The following RERE variants were observed in gnomAD, a reference collection of about 807,000 sequenced individuals.
RERE encodes the protein arginine-glutamic acid dipeptide repeats protein.
Under a neutral mutation model 146.1 loss-of-function variants are expected in RERE, and 40 were observed. The observed-to-expected ratio is 0.27, with a 90% CI of 0.21 to 0.36. The LOEUF is 0.36. Ranked by LOEUF, RERE falls within the 10% of genes least tolerant of loss-of-function variation. The pLI, the probability that RERE is intolerant of heterozygous loss-of-function variation, is 1.00. For synonymous variants in RERE, 1,003 were observed against 866.0 expected (o/e 1.16, Z -2.78); for missense variants, 1,933 against 2,138.7 (o/e 0.90, Z 1.90).
chr1:8,355,940 G>A (rs1641272394), intron 21 of RERE, among the ~76,000 whole-genome samples, 160 bp downstream of exon 21: 1 of 152,260 alleles, frequency 6.6e-6, no homozygotes, highest in East Asian at 1.9e-4. Context: ...CCCCCAGAGG[G>A]CAGGAGGCTT....
chr1:8,385,993 AATATATATATAT>A (rs1553159745), intron 12 of RERE, among the ~76,000 whole-genome samples: 5 of 26,482 alleles, frequency 1.9e-4, no homozygotes, highest in Admixed American at 7.2e-4. Context: ...AAAAAAAAAA[AATATATATATAT>A]ATATATATAT....
intron 1 of RERE, among the ~76,000 whole-genome samples, chr1:8,668,455 G>A (rs1638628022): frequency 6.6e-6 from 1 of 152,178 alleles, no homozygotes; most frequent in South Asian, 2.1e-4. Context: ...GGCAAGGGAA[G>A]CCAAATGCCG....
intron 1 of RERE, among the ~76,000 whole-genome samples, chr1:8,689,327 A>C (rs1314344427): frequency 6.6e-6 from 1 of 152,184 alleles, no homozygotes; most frequent in Non-Finnish European, 1.5e-5. Context: ...TTTGATGAAG[A>C]CATACTCAAA....
Position 8,448,844 on chromosome 1 carries a change from CAAACAAACAAAT to C in RERE, c.1203+17069_1203+17080del, listed in dbSNP as rs942823168. On this transcript the variant is annotated intron_variant, in intron 11 of 22. Coordinates refer to ENST00000400908, the MANE Select transcript of RERE (RefSeq NM_001042681.2). Reference sequence around the variant, plus strand: ...ACTCCATCTCAAACAATCAATCAAACAAACAAACAAATAAACAAACAAAAAAAAAAAAGGAAG... The same window carrying C: ...ACTCCATCTCAAACAATCAATCAAACAAACAAACAAAAAAAAAAAAGGAAG... Among the ~76,000 whole-genome samples the C allele has an allele frequency of 4.0e-5, 6 of 150,540 alleles. No individual in the cohort carries two copies. The East Asian group carries it at 5.9e-4, about 15-fold the overall frequency.
In RERE at chr1:8,354,968, TATA is replaced by T; in HGVS notation, c.*116_*118del. ...ATTTTTAGTTGTGGGTTTTTAAATA[TATA>T]AAGAAATCTTTAGAAGATATTCTTT... On this transcript the variant is annotated 3_prime_UTR_variant, in exon 23 of 23. Transcript: ENST00000400908. The T allele has an allele frequency of 1.2e-6, 1 of 805,172 alleles. No individual in the cohort carries two copies. Among genetic ancestry groups the T allele is most frequent in the Non-Finnish European group, 2.0e-6 (1 of 498,708 alleles). 49.9% of individuals were successfully genotyped at this position (805,172 alleles called of 1,614,324 possible).
chr1:8,499,916 T>C (rs1645106968), intron 8 of RERE, among the ~76,000 whole-genome samples: 1 of 152,014 alleles, frequency 6.6e-6, no homozygotes, highest in Non-Finnish European at 1.5e-5. Context: ...GGTCAGGAGT[T>C]CGACACCAGA....
chr1:8,423,512 GCACCCCTCCC>G lies in RERE; in HGVS notation c.1204-715_1204-706del. 2 of 981,416 alleles carry G rather than the reference GCACCCCTCCC, an allele frequency of 2.0e-6. No individual in the cohort carries two copies. Among genetic ancestry groups the G allele is most frequent in the Non-Finnish European group, 2.4e-6 (2 of 826,334 alleles). The allele number at this position is 981,416 out of a possible 1,614,324, so 60.8% of individuals were successfully genotyped here. On this transcript the variant is annotated intron_variant, in intron 11 of 22. Coordinates refer to ENST00000400908, the MANE Select transcript of RERE (RefSeq NM_001042681.2). The surrounding 1 kb of genome is among the most constrained non-coding windows in gnomAD (Gnocchi z 5.4). ...TTTCACTTTGTCCCATGCCTCCCGA[GCACCCCTCCC>G]CGCCCCGGTGGGGGCAGCTCCTGGC...
intron 1 of RERE, among the ~76,000 whole-genome samples, chr1:8,789,605 C>T (rs1641328097): frequency 6.6e-6 from 1 of 152,036 alleles, no homozygotes; most frequent in South Asian, 2.1e-4. Context: ...TACCTTATTA[C>T]CTCGCCCCAA....
intron 4 of RERE, among the ~76,000 whole-genome samples, chr1:8,558,043 T>A (rs1646027236): frequency 6.6e-6 from 1 of 152,186 alleles, no homozygotes; most frequent in African/African-American, 2.4e-5. Flanking sequence ...TTCCACTGTT[T>A]AGCCACAGTT....
At position 8,353,450 on chromosome 1, in the gene RERE, T is replaced by C. The variant is rs1180342384; in HGVS notation, c.*1637A>G. 6.6e-6 allele frequency: 1 copy of C among 152,294 alleles called. No homozygotes were observed. The highest frequency in any genetic ancestry group is 1.5e-5 in the Non-Finnish European group (1 of 68,070). The allele number at this position is 152,294 out of a possible 1,614,324, so 9.4% of individuals were successfully genotyped here. On this transcript the variant is annotated 3_prime_UTR_variant, in exon 23 of 23. Coordinates refer to ENST00000400908, the MANE Select transcript of RERE (RefSeq NM_001042681.2). ...GTGTCCGCCGACCCAGTGTGGTCTC[T>C]GTCCTACAATTCTTGGGATGGGACC...
chr1:8,726,147 C>CTTTTTTTTTTTTTTTTTTTTTTTTTT (rs70985511), intron 1 of RERE, among the ~76,000 whole-genome samples: 2 of 69,406 alleles, frequency 2.9e-5, no homozygotes, highest in African/African-American at 1.3e-4. Flanking sequence ...TTTTTCTTTT[C>CTTTTTTTTTTTTTTTTTTTTTTTTTT]TTTTTTTTTT....
In RERE at chr1:8,648,310, C is replaced by A. The variant is rs369292613; in HGVS notation, c.325+7663G>T. Among the ~76,000 whole-genome samples, 15 of 152,288 alleles carry A rather than the reference C, an allele frequency of 9.8e-5. No individual in the cohort carries two copies. In the East Asian group the frequency reaches 2.9e-3, roughly 29 times the overall value. On this transcript the variant is annotated intron_variant, in intron 2 of 22. Transcript: ENST00000400908. Reference sequence around the variant, plus strand: ...GCAGTGGTGCAATCACTGCTCACTGCAGCCTCAACCTTCCATGCTTAAGGG... The same window carrying A: ...GCAGTGGTGCAATCACTGCTCACTGAAGCCTCAACCTTCCATGCTTAAGGG...
intron 1 of RERE, among the ~76,000 whole-genome samples, chr1:8,789,583 T>C (rs1641327681): frequency 6.6e-6 from 1 of 152,022 alleles, no homozygotes; most frequent in African/African-American, 2.4e-5. Flanking sequence ...CTCCAGTCTC[T>C]GGCTGACGTG....
intron 2 of RERE, among the ~76,000 whole-genome samples, chr1:8,645,536 G>A (rs1647267392): frequency 6.6e-6 from 1 of 152,164 alleles, no homozygotes. Flanking sequence ...CTAAACGTGT[G>A]TTTAAATCAC....
intron 1 of RERE, among the ~76,000 whole-genome samples, chr1:8,763,340 A>C (rs1640789097): frequency 6.6e-6 from 1 of 152,248 alleles, no homozygotes; most frequent in South Asian, 2.1e-4. Context: ...GCAGTATTAA[A>C]AATGATGTCC....
At chr1:8,500,367 T>C (rs192994459) in intron 8 of RERE, among the ~76,000 whole-genome samples, 2 of 152,318 alleles carry the variant, frequency 1.3e-5, no homozygotes, top group Admixed American at 1.3e-4. Context: ...GAAACGAAAA[T>C]GCCTCTTAAT....
chr1:8,358,383 G>A lies in RERE; in HGVS notation c.4152C>T (p.Pro1384=). The change falls in exon 20 of 23, where the codon CCC becomes CCT. Residue 1384 remains proline, a synonymous_variant. Coordinates refer to ENST00000400908, the MANE Select transcript of RERE (RefSeq NM_001042681.2). ...LERERLALAG[P]QLRPEMSYPD... ...GGTAGCTCATCTCGGGCCGCAGCTG[G>A]GGGCCCGCCAGGGCCAGTCTCTCCC... is the stretch of plus-strand genomic sequence containing the variant. 1 of 1,608,562 alleles carries A rather than the reference G, an allele frequency of 6.2e-7. No homozygotes were observed. The highest frequency in any genetic ancestry group is 1.3e-5 in the African/African-American group (1 of 74,984).
At chr1:8,464,455 C>T (rs527814668) in intron 11 of RERE, among the ~76,000 whole-genome samples, 52 of 152,294 alleles carry the variant, frequency 3.4e-4, no homozygotes, top group African/African-American at 1.2e-3. Flanking sequence ...CAGAGACCAC[C>T]GGACTCAGCG....
intron 1 of RERE, among the ~76,000 whole-genome samples, chr1:8,778,848 A>G (rs1641114931): frequency 6.6e-6 from 1 of 151,976 alleles, no homozygotes; most frequent in Non-Finnish European, 1.5e-5. Flanking sequence ...ACAGTTACTA[A>G]ACAGTTTTGT....
Sources: gnomAD v4.1 joint callset for allele counts (sites outside exome capture counted in the v4.1 genomes callset) on GRCh38, gnomAD v4.1.1 for gene constraint, Gnocchi (gnomAD v3.1) non-coding constraint, MANE v1.5 for transcripts, NCBI Gene and HGNC (gene_info 2026-07-23, HGNC 2026-07-21) for gene names.